Variants in CEMIP2 observed in about 807,000 individuals in gnomAD.
CEMIP2 encodes the protein cell migration inducing hyaluronidase 2, also known as cell surface hyaluronidase CEMIP2.
In CEMIP2, 79 loss-of-function variants were observed where a neutral mutation model predicts 146.9. That is an observed-to-expected ratio of 0.54 (90% CI 0.45 to 0.65). CEMIP2 has a LOEUF of 0.65. Among genes scored for constraint, CEMIP2 ranks in the 30% least tolerant of loss-of-function variants. The pLI, the probability that CEMIP2 is intolerant of heterozygous loss-of-function variation, is 0.00. For missense variants in CEMIP2, 1,596 were observed against 1,696.2 expected (o/e 0.94, Z 1.04); for synonymous variants, 601 against 606.3 (o/e 0.99, Z 0.13).
intron 21 of CEMIP2, among the ~76,000 whole-genome samples, chr9:71,694,235 G>A (rs113484200): frequency 6.6e-5 from 10 of 152,010 alleles, no homozygotes; most frequent in Admixed American, 1.3e-4. Context: ...CCATTCTCCT[G>A]CCTCAGCCTC....
intron 4 of CEMIP2, among the ~76,000 whole-genome samples, chr9:71,740,924 TCA>T (rs1328635412): frequency 6.6e-6 from 1 of 152,272 alleles, no homozygotes; most frequent in East Asian, 1.9e-4. Context: ...CCCCACTCTC[TCA>T]GTTTCTGAGA....
At position 71,683,921 on chromosome 9, in the gene CEMIP2, G is replaced by A. The variant is rs1054457568; in HGVS notation, c.*1276C>T. On this transcript the variant is annotated 3_prime_UTR_variant, in exon 24 of 24. Coordinates refer to ENST00000377044, the MANE Select transcript of CEMIP2 (RefSeq NM_013390.3). ...TTATGCGTCGGGGGTTTAGAACAAC[G>A]TAAAGGCATTTTGCTGCTTCTTTCC... 1 of 152,344 alleles carries A rather than the reference G, an allele frequency of 6.6e-6. No individual in the cohort carries two copies. The highest frequency in any genetic ancestry group is 2.4e-5 in the African/African-American group (1 of 41,444). The allele number at this position is 152,344 out of a possible 1,614,324, so 9.4% of individuals were successfully genotyped here.
intron 17 of CEMIP2, among the ~76,000 whole-genome samples, chr9:71,706,240 GAA>G (rs35856513): frequency 6.2e-4 from 83 of 134,762 alleles, no homozygotes; most frequent in African/African-American, 2.1e-3. Flanking sequence ...AAAAAAAAAG[GAA>G]AAAAAAAAAA....
intron 5 of CEMIP2, among the ~76,000 whole-genome samples, chr9:71,737,213 G>A (rs1823787889): frequency 6.8e-6 from 1 of 146,836 alleles, no homozygotes; most frequent in African/African-American, 2.5e-5. Flanking sequence ...AGCACTTTGG[G>A]AGGTCAAGGT....
At position 71,732,473 on chromosome 9, in the gene CEMIP2, T is replaced by C; in HGVS notation, c.1441A>G (p.Met481Val). The C allele has an allele frequency of 3.1e-6, 5 of 1,613,950 alleles. No individual in the cohort carries two copies. In the African/African-American group the frequency reaches 4.0e-5, roughly 13 times the overall value. ...GTAAGAATTCCAACCTCAGCTCTCATGTCTACACCGTCTATGATCTCACCC... is the reference window on the plus strand; with the variant it reads ...GTAAGAATTCCAACCTCAGCTCTCACGTCTACACCGTCTATGATCTCACCC... ...HMGEIIDGVDMRAEVGILTRN... is the reference protein window; with the variant it reads ...HMGEIIDGVDVRAEVGILTRN... The change falls in exon 7 of 24, where the codon ATG (methionine) becomes GTG (valine). Residue 481 changes from methionine to valine, a missense_variant. Physicochemically the swap from Met to Val is conservative, Grantham distance 21. Transcript: ENST00000377044.
At chr9:71,768,522 C>T (rs1824872359), upstream of CEMIP2, 1 of 152,418 alleles carries the variant, frequency 6.6e-6, no homozygotes, top group Non-Finnish European at 1.5e-5. Context: ...CTGGCAGCCG[C>T]AGCCTCTGCC....
intron 3 of CEMIP2, among the ~76,000 whole-genome samples, chr9:71,745,843 T>A (rs1824072099): frequency 6.6e-6 from 1 of 152,170 alleles, no homozygotes; most frequent in Admixed American, 6.5e-5. Flanking sequence ...CAAATCTGAA[T>A]CTTATTTTTG....
In CEMIP2 at chr9:71,704,194, C is replaced by G. The variant is rs572606942; in HGVS notation, c.3194+401G>C. Among the ~76,000 whole-genome samples the G allele has an allele frequency of 4.6e-5, 7 of 152,290 alleles. No individual in the cohort carries two copies. The South Asian group carries it at 1.2e-3, about 27-fold the overall frequency. ...CACTTCTTGCCCCTAGCAGGCATTA[C>G]TAATCCATCCCACTACTTTCTTCTG... is the stretch of plus-strand genomic sequence containing the variant. On this transcript the variant is annotated intron_variant, in intron 18 of 23. Coordinates refer to ENST00000377044, the MANE Select transcript of CEMIP2 (RefSeq NM_013390.3).
intron 17 of CEMIP2, among the ~76,000 whole-genome samples, chr9:71,706,922 G>T (rs1358929023): frequency 6.6e-6 from 1 of 152,090 alleles, no homozygotes; most frequent in Non-Finnish European, 1.5e-5. Flanking sequence ...TCTGCCCCTG[G>T]GTTCAAGCGA....
At chr9:71,685,595 T>A in intron 23 of CEMIP2, 148 bp downstream of exon 23, 1 of 846,136 alleles carries the variant, frequency 1.2e-6, no homozygotes, top group Non-Finnish European at 1.8e-6. Flanking sequence ...ACACTTCCTC[T>A]CACATTGTGC....
chr9:71,712,013 G>C, intron 16 of CEMIP2, 70 bp downstream of exon 16: 1 of 1,533,084 alleles, frequency 6.5e-7, no homozygotes, highest in Non-Finnish European at 8.9e-7. Flanking sequence ...TTGCGTTTTT[G>C]TCTTTGGGAA....
intron 4 of CEMIP2, among the ~76,000 whole-genome samples, chr9:71,741,837 G>A (rs897846807): frequency 2.0e-5 from 3 of 151,430 alleles, no homozygotes; most frequent in Admixed American, 2.0e-4. Context: ...GTAGAGACAG[G>A]GTTTCACCAT....
At chr9:71,731,894 C>G (rs1823628551) in intron 7 of CEMIP2, among the ~76,000 whole-genome samples, 1 of 152,092 alleles carries the variant, frequency 6.6e-6, no homozygotes, top group Non-Finnish European at 1.5e-5. Flanking sequence ...AGTAAGTGCT[C>G]AAAATTTTTC....
Position 71,750,026 on chromosome 9 carries a change from C to A in CEMIP2, c.331+17G>T. The A allele has an allele frequency of 6.4e-7, 1 of 1,572,138 alleles. No homozygotes were observed. The highest frequency in any genetic ancestry group is 1.2e-5 in the South Asian group (1 of 82,848). ...TGTCTTCTAGAATATGTTCTATGTG[C>A]ATATACACACACTTACCATCTGGAG... On this transcript the variant is annotated intron_variant, in intron 2 of 23. Coordinates refer to ENST00000377044, the MANE Select transcript of CEMIP2 (RefSeq NM_013390.3).
At chr9:71,764,138 T>C (rs1415307514) in intron 1 of CEMIP2, among the ~76,000 whole-genome samples, 1 of 152,170 alleles carries the variant, frequency 6.6e-6, no homozygotes, top group Non-Finnish European at 1.5e-5. Flanking sequence ...TTCTAAAAAA[T>C]GTGCACATCT....
chr9:71,685,705 G>A, intron 23 of CEMIP2, 38 bp downstream of exon 23: 3 of 1,525,530 alleles, frequency 2.0e-6, no homozygotes, highest in Non-Finnish European at 2.7e-6. Flanking sequence ...TATGTTGCTG[G>A]CCCTGTAAGA....
chr9:71,767,619 C>T (rs1824835706), intron 1 of CEMIP2, among the ~76,000 whole-genome samples: 3 of 152,180 alleles, frequency 2.0e-5, no homozygotes, highest in Non-Finnish European at 4.4e-5. Context: ...GGTTTTATCG[C>T]TAAGGGTGTA....
chr9:71,734,897 C>T lies in CEMIP2; in HGVS notation c.1302G>A (p.Val434=). The change falls in exon 6 of 24, where the codon GTG becomes GTA. Residue 434 remains valine (V), a synonymous_variant. Coordinates refer to ENST00000377044, the MANE Select transcript of CEMIP2 (RefSeq NM_013390.3). ...ACATGGAATAGTCTGTGCTTGCGACCACAATCTGGTCTCCAGGTTTCCAAC... is the reference window on the plus strand; with the variant it reads ...ACATGGAATAGTCTGTGCTTGCGACTACAATCTGGTCTCCAGGTTTCCAAC... ...VSSWKPGDQI[V]VASTDYSMYQ... 6.2e-7 allele frequency: 1 copy of T among 1,613,896 alleles called. No individual in the cohort carries two copies. Among genetic ancestry groups the T allele is most frequent in the East Asian group, 2.2e-5 (1 of 44,864 alleles).
Position 71,723,136 on chromosome 9 carries a change from GAAAAAAA to G in CEMIP2, c.2179-628_2179-622del, listed in dbSNP as rs33948828. 4.4e-3 allele frequency among the ~76,000 whole-genome samples: 456 copies of G among 104,236 alleles called. 5 individuals are homozygous for G. Among genetic ancestry groups the G allele is most frequent in the African/African-American group, 0.017 (443 of 26,224 alleles). The allele number at this position is 104,236 out of a possible 152,430, so 68.4% of individuals were successfully genotyped here. A position where few individuals can be genotyped will look rare whatever the true frequency, so the allele number is the denominator to read the frequency against. Reference sequence around the variant, plus strand: ...TGGCAGAGAGCATGGAACAGCCAAAGAAAAAAAAAAAAAAAACAAAACCATGATGGAC... The same window carrying G: ...TGGCAGAGAGCATGGAACAGCCAAAGAAAAAAAAACAAAACCATGATGGAC... On this transcript the variant is annotated intron_variant, in intron 11 of 23. Coordinates refer to ENST00000377044, the MANE Select transcript of CEMIP2 (RefSeq NM_013390.3).
Sources: allele counts gnomAD v4.1 joint callset (sites outside exome capture counted in the v4.1 genomes callset), GRCh38; gene constraint gnomAD v4.1.1; transcripts MANE v1.5; gene names NCBI Gene and HGNC (gene_info 2026-07-23, HGNC 2026-07-21).